SRGAP3: variants seen among roughly 807,000 people sequenced by gnomAD.
The protein encoded by SRGAP3 is SLIT-ROBO Rho GTPase activating protein 3.
A neutral mutation model predicts 121.1 loss-of-function variants in SRGAP3; 39 were observed. The ratio of observed to expected loss-of-function variants is 0.32; its 90% CI spans 0.25 to 0.42. The LOEUF (loss-of-function observed/expected upper bound fraction) is 0.42. Ranked by LOEUF, SRGAP3 falls within the 10% of genes least tolerant of loss-of-function variation. The probability of loss-of-function intolerance (pLI) is 1.00; values close to 1 mark genes in which losing one functional copy is unlikely to be tolerated. For missense variants in SRGAP3, 1,213 were observed against 1,470.6 expected (o/e 0.82, Z 2.86); for synonymous variants, 601 against 570.0 (o/e 1.05, Z -0.77).
chr3:9,315,754 A>G (rs1955333879), intron 3 of SRGAP3, among the ~76,000 whole-genome samples: 1 of 152,210 alleles, frequency 6.6e-6, no homozygotes, highest in South Asian at 2.1e-4. Flanking sequence ...ACCACTGAAA[A>G]TGTGAGCGCC....
chr3:9,123,737 T>TGTGTGTGTGTGTGTGTGTGTGTGC (rs1214234575), intron 2 of SRGAP3, among the ~76,000 whole-genome samples: 8 of 146,124 alleles, frequency 5.5e-5, no homozygotes, highest in African/African-American at 2.2e-4. Context: ...TATATATGTG[T>TGTGTGTGTGTGTGTGTGTGTGTGC]GTGTGTGTGT....
intron 1 of SRGAP3, among the ~76,000 whole-genome samples, chr3:9,201,257 G>T (rs1952060072): frequency 6.6e-6 from 1 of 152,078 alleles, no homozygotes; most frequent in Non-Finnish European, 1.5e-5. Context: ...GGCACCCCCA[G>T]CCCCCAAGAC....
chr3:9,141,552 G>T (rs924300991), intron 1 of SRGAP3, among the ~76,000 whole-genome samples: 1 of 119,192 alleles, frequency 8.4e-6, no homozygotes, highest in Non-Finnish European at 1.7e-5. Context: ...CTGACTTCAG[G>T]GGTGTGTGTG....
intron 1 of SRGAP3, among the ~76,000 whole-genome samples, chr3:9,245,168 C>G (rs1000537836): frequency 6.6e-6 from 1 of 150,566 alleles, no homozygotes; most frequent in Admixed American, 6.6e-5. Context: ...TTTCTGGCAT[C>G]TGTTGAAAAA....
chr3:9,174,958 C>G (rs931073137), intron 1 of SRGAP3, among the ~76,000 whole-genome samples: 1 of 152,136 alleles, frequency 6.6e-6, no homozygotes, highest in Non-Finnish European at 1.5e-5. Flanking sequence ...AGGCGTCATT[C>G]CGTGGACTGG....
intron 3 of SRGAP3, among the ~76,000 whole-genome samples, chr3:9,104,078 T>C (rs1046112022): frequency 6.6e-6 from 1 of 152,186 alleles, no homozygotes; most frequent in African/African-American, 2.4e-5. Context: ...AGAGATTAAA[T>C]AGAGTACATC....
At chr3:9,337,105 T>C (rs1955706624) in intron 1 of SRGAP3, among the ~76,000 whole-genome samples, 1 of 152,158 alleles carries the variant, frequency 6.6e-6, no homozygotes, top group African/African-American at 2.4e-5. Flanking sequence ...AGGAAAAAGC[T>C]GATGTCCCAG....
intron 1 of SRGAP3, among the ~76,000 whole-genome samples, chr3:9,138,935 C>T (rs1015509557): frequency 2.6e-5 from 4 of 152,128 alleles, no homozygotes; most frequent in Non-Finnish European, 5.9e-5. Context: ...ATAAGGAATA[C>T]TCAACCTGTA....
rs543786718 is a variant in SRGAP3 at position 9,220,689 on chromosome 3, A to G, written c.67+28196T>C. On this transcript the variant is annotated intron_variant, in intron 1 of 21. Coordinates refer to ENST00000383836, the MANE Select transcript of SRGAP3 (RefSeq NM_014850.4). ...TTGTCCCCAAATCTCAGGCACTATC[A>G]TTCTTTTGGATCAAGGCATTTAAGG... Among the ~76,000 whole-genome samples, 4 of 152,300 alleles carry G rather than the reference A, an allele frequency of 2.6e-5. No homozygotes were observed. In the East Asian group the frequency reaches 7.7e-4, roughly 29 times the overall value.
chr3:9,189,072 C>A (rs1394381268), intron 1 of SRGAP3, among the ~76,000 whole-genome samples: 2 of 152,132 alleles, frequency 1.3e-5, no homozygotes, highest in Non-Finnish European at 2.9e-5. Context: ...AAACACTTGT[C>A]TAGATTTCTG....
chr3:9,344,863 C>G (rs1403809100), intron 1 of SRGAP3, among the ~76,000 whole-genome samples: 1 of 151,874 alleles, frequency 6.6e-6, no homozygotes, highest in Non-Finnish European at 1.5e-5. Context: ...GGTGAAAAAC[C>G]CTGTCTCTAC....
chr3:9,057,508 G>T (rs890938753), intron 7 of SRGAP3, among the ~76,000 whole-genome samples: 1 of 152,208 alleles, frequency 6.6e-6, no homozygotes, highest in Non-Finnish European at 1.5e-5. Context: ...CATGCAGAGG[G>T]TCTAGCAAAT....
intron 1 of SRGAP3, among the ~76,000 whole-genome samples, chr3:9,227,239 A>C (rs937033595): frequency 6.6e-6 from 1 of 152,182 alleles, no homozygotes; most frequent in African/African-American, 2.4e-5. Flanking sequence ...TGATGAATTC[A>C]TTTTTGTAAA....
At chr3:9,131,374 T>A (rs975638912) in intron 1 of SRGAP3, among the ~76,000 whole-genome samples, 1 of 150,226 alleles carries the variant, frequency 6.7e-6, no homozygotes, top group Non-Finnish European at 1.5e-5. Context: ...CACTGCATGG[T>A]GCAGTCTCTT....
intron 2 of SRGAP3, among the ~76,000 whole-genome samples, chr3:9,115,309 C>T (rs1948764421): frequency 6.6e-6 from 1 of 152,162 alleles, no homozygotes; most frequent in Admixed American, 6.5e-5. Context: ...TATTATTATC[C>T]TATTTGCCTA....
At chr3:9,196,920 C>G (rs931294312) in intron 1 of SRGAP3, among the ~76,000 whole-genome samples, 1 of 152,120 alleles carries the variant, frequency 6.6e-6, no homozygotes, top group Non-Finnish European at 1.5e-5. Context: ...TCTACATTTT[C>G]CACTCTGGCA....
chr3:9,088,070 G>A (rs1303690378), intron 3 of SRGAP3, among the ~76,000 whole-genome samples: 1 of 152,168 alleles, frequency 6.6e-6, no homozygotes, highest in Non-Finnish European at 1.5e-5. Context: ...ACTGAATGAG[G>A]AACTCAAACC....
intron 3 of SRGAP3, among the ~76,000 whole-genome samples, chr3:9,089,632 A>T (rs1432277358): frequency 3.4e-5 from 2 of 58,040 alleles, no homozygotes; most frequent in African/African-American, 1.5e-4. Context: ...TTACAAGCAG[A>T]TCTCATCCTC....
chr3:9,022,881 A>G (rs1366401000), intron 14 of SRGAP3, among the ~76,000 whole-genome samples: 1 of 152,262 alleles, frequency 6.6e-6, no homozygotes, highest in Non-Finnish European at 1.5e-5. Context: ...GATTTAGTTC[A>G]GACATTCTCT....
Sources: allele counts gnomAD v4.1 joint callset (sites outside exome capture counted in the v4.1 genomes callset), GRCh38; gene constraint gnomAD v4.1.1; transcripts MANE v1.5; gene names NCBI Gene and HGNC (gene_info 2026-07-23, HGNC 2026-07-21).